The following ZNF486 variants were observed in gnomAD, a reference collection of about 807,000 sequenced individuals.
The protein encoded by ZNF486 is zinc finger protein 486.
A neutral mutation model predicts 12.8 loss-of-function variants in ZNF486; 12 were observed. The ratio of observed to expected loss-of-function variants is 0.94; its 90% CI spans 0.60 to 1.52. The LOEUF is 1.52. ZNF486 is among the 40% of genes most tolerant of loss of function. ZNF486 has a pLI of 0.00. For missense variants in ZNF486, 738 were observed against 545.0 expected (o/e 1.35, Z -3.53); for synonymous variants, 231 against 184.9 (o/e 1.25, Z -2.02).
intron 1 of ZNF486, among the ~76,000 whole-genome samples, chr19:20,178,724 T>TA (rs1491186783): frequency 7.9e-5 from 12 of 152,232 alleles, no homozygotes; most frequent in Admixed American, 7.8e-4. Flanking sequence ...ATTGTGTCTC[T>TA]ATTTGTTATC....
At position 20,183,736 on chromosome 19, in the gene ZNF486, T is replaced by G. The variant is rs544875107; in HGVS notation, c.31-620T>G. Among the ~76,000 whole-genome samples, 3 of 152,328 alleles carry G rather than the reference T, an allele frequency of 2.0e-5. No individual in the cohort carries two copies. In the East Asian group the frequency reaches 5.8e-4, roughly 29 times the overall value. On this transcript the variant is annotated intron_variant, in intron 1 of 3. Coordinates refer to ENST00000335117, the MANE Select transcript of ZNF486 (RefSeq NM_052852.4). ...GCAGCTGATATGCATAAACCTCACATTAAATCTGGCAGCTTTCTTTTTTAA... is the reference window on the plus strand; with the variant it reads ...GCAGCTGATATGCATAAACCTCACAGTAAATCTGGCAGCTTTCTTTTTTAA...
chr19:20,167,406 G>T (rs782470611), intron 1 of ZNF486, 46 bp downstream of exon 1: 1 of 1,602,844 alleles, frequency 6.2e-7, no homozygotes, highest in Non-Finnish European at 8.5e-7. Context: ...GGGACTGGTT[G>T]ATGGGAAGTG....
At chr19:20,172,832 G>C (rs565279390) in intron 1 of ZNF486, among the ~76,000 whole-genome samples, 1 of 151,682 alleles carries the variant, frequency 6.6e-6, no homozygotes. Context: ...TAGTAGAGAC[G>C]AGGTTTCACC....
chr19:20,188,605 C>T (rs2089872855), intron 3 of ZNF486: 2 of 396,016 alleles, frequency 5.1e-6, no homozygotes, highest in Non-Finnish European at 8.9e-6. Context: ...CAAAATTGTG[C>T]CACTACACTC....
At chr19:20,167,386 A>T (rs1555713164) in intron 1 of ZNF486, 26 bp downstream of exon 1, 27 of 1,611,202 alleles carry the variant, frequency 1.7e-5, no homozygotes, top group Non-Finnish European at 2.1e-5. Flanking sequence ...GGACATCCTG[A>T]GAGAGGGGAG....
At chr19:20,172,437 T>TA (rs1191730424) in intron 1 of ZNF486, among the ~76,000 whole-genome samples, 5 of 151,982 alleles carry the variant, frequency 3.3e-5, no homozygotes, top group Non-Finnish European at 7.4e-5. Flanking sequence ...TAGCTGGGAT[T>TA]ACAGGCACCT....
rs962190275 is a variant in ZNF486, at chr19:20,197,471, C to T, written c.761C>T (p.Thr254Ile). Residue 254 changes from threonine (T) to isoleucine (I), a missense_variant, in exon 4 of 4, where the codon ACT (threonine) becomes ATT (isoleucine). Coordinates refer to ENST00000335117, the MANE Select transcript of ZNF486 (RefSeq NM_052852.4). The part of the protein sequence containing the change: ...GKVFKYFSSF[T>I]THKKIHSGEK... ...GTCTTTAAGTACTTCTCTAGCTTTA[C>T]TACACATAAGAAAATTCATAGTGGA... 1.2e-6 allele frequency: 2 copies of T among 1,608,634 alleles called. No homozygotes were observed. Among genetic ancestry groups the T allele is most frequent in the African/African-American group, 1.3e-5 (1 of 74,362 alleles).
At chr19:20,189,787 T>C (rs2089885075) in intron 3 of ZNF486, among the ~76,000 whole-genome samples, 1 of 152,230 alleles carries the variant, frequency 6.6e-6, no homozygotes, top group Non-Finnish European at 1.5e-5. Flanking sequence ...TTGCCACTTT[T>C]GAATTTTCTT....
intron 3 of ZNF486, among the ~76,000 whole-genome samples, chr19:20,189,603 T>C (rs1555716926): frequency 6.6e-6 from 1 of 152,228 alleles, no homozygotes; most frequent in East Asian, 1.9e-4. Flanking sequence ...ATTTTGTGCA[T>C]TCTTTCAAAT....
At chr19:20,170,676 A>G (rs1031014289) in intron 1 of ZNF486, among the ~76,000 whole-genome samples, 3 of 152,200 alleles carry the variant, frequency 2.0e-5, no homozygotes, top group South Asian at 2.1e-4. Flanking sequence ...TGTGACAGGT[A>G]AGAAAAGAGA....
chr19:20,197,206 T>A lies in ZNF486; in HGVS notation c.496T>A (p.Phe166Ile). ...TAAATATGTGAAAGTCTTTCATCAA[T>A]TTTCAAATTCAAAGAGACATAAAAG... ...CGKYVKVFHQFSNSKRHKRRH... is the reference protein window; with the variant it reads ...CGKYVKVFHQISNSKRHKRRH... The change falls in exon 4 of 4, where the codon TTT (phenylalanine) becomes ATT (isoleucine). Residue 166 changes from phenylalanine to isoleucine, a missense_variant. Phe to Ile is a conservative substitution (Grantham distance 21). Coordinates refer to ENST00000335117, the MANE Select transcript of ZNF486 (RefSeq NM_052852.4). 1 of 1,613,008 alleles carries A rather than the reference T, an allele frequency of 6.2e-7. No homozygotes were observed. The highest frequency in any genetic ancestry group is 8.5e-7 in the Non-Finnish European group (1 of 1,179,740).
At chr19:20,181,543 C>CAAAA (rs66504246) in intron 1 of ZNF486, among the ~76,000 whole-genome samples, 1,907 of 127,950 alleles carry the variant, frequency 0.015, 21 homozygotes, top group East Asian at 0.043. Flanking sequence ...TCTCAAAAAA[C>CAAAA]AAAAAAAAAA....
intron 1 of ZNF486, among the ~76,000 whole-genome samples, chr19:20,167,832 A>G (rs1233945054): frequency 1.3e-5 from 2 of 150,420 alleles, no homozygotes; most frequent in African/African-American, 4.9e-5. Context: ...CACTTGAGGT[A>G]AAGGGTTGCT....
At chr19:20,175,549 C>T (rs1028864017) in intron 1 of ZNF486, among the ~76,000 whole-genome samples, 1 of 151,144 alleles carries the variant, frequency 6.6e-6, no homozygotes, top group East Asian at 1.9e-4. Context: ...GAGCATGCTG[C>T]CTTCAAGCAT....
At chr19:20,190,816 A>T (rs8112198) in intron 3 of ZNF486, among the ~76,000 whole-genome samples, 11,217 of 152,218 alleles carry the variant, frequency 0.074, 603 homozygotes, top group African/African-American at 0.16. Context: ...GTTGGTCTAT[A>T]ATATGGTTTC....
At chr19:20,171,751 A>ACG (rs2089650223) in intron 1 of ZNF486, among the ~76,000 whole-genome samples, 1 of 152,158 alleles carries the variant, frequency 6.6e-6, no homozygotes, top group Non-Finnish European at 1.5e-5. Flanking sequence ...CGATGTACAC[A>ACG]TGTGGGTTTG....
chr19:20,186,084 T>G lies in ZNF486; in HGVS notation c.253+2T>G, dbSNP rs200651931. 6.3e-7 allele frequency: 1 copy of G among 1,577,584 alleles called. No individual in the cohort carries two copies. Among genetic ancestry groups the G allele is most frequent in the East Asian group, 2.4e-5 (1 of 42,322 alleles). On this transcript the variant is annotated splice_donor_variant, in intron 3 of 3. Coordinates refer to ENST00000335117, the MANE Select transcript of ZNF486 (RefSeq NM_052852.4). LOFTEE classifies it high-confidence loss of function. Reference sequence around the variant, plus strand: ...ATGAGATGATTGCCAAACCCCCAGGTAGGTGCGAATGAAAATGAACACAAC... The same window carrying G: ...ATGAGATGATTGCCAAACCCCCAGGGAGGTGCGAATGAAAATGAACACAAC...
chr19:20,194,595 G>A (rs1188722160), intron 3 of ZNF486, among the ~76,000 whole-genome samples: 2 of 152,086 alleles, frequency 1.3e-5, no homozygotes, highest in Non-Finnish European at 1.5e-5. Flanking sequence ...AGGCATGGTG[G>A]CGCACGCCTG....
chr19:20,193,867 T>C (rs1555717546), intron 3 of ZNF486, among the ~76,000 whole-genome samples: 1 of 152,104 alleles, frequency 6.6e-6, no homozygotes, highest in Non-Finnish European at 1.5e-5. Flanking sequence ...TTTGTGTATC[T>C]ATACAGCTAT....
Sources: gnomAD v4.1 joint callset for allele counts (sites outside exome capture counted in the v4.1 genomes callset) on GRCh38, gnomAD v4.1.1 for gene constraint, MANE v1.5 for transcripts, NCBI Gene and HGNC (gene_info 2026-07-23, HGNC 2026-07-21) for gene names.